Variants in ZBTB44 observed in about 807,000 individuals in gnomAD.
ZBTB44 encodes the protein zinc finger and BTB domain-containing protein 44.
In ZBTB44, 15 loss-of-function variants were observed where a neutral mutation model predicts 54.0. The observed-to-expected ratio is 0.28, with a 90% CI of 0.19 to 0.43. The LOEUF (loss-of-function observed/expected upper bound fraction) is 0.43. Ranked by LOEUF, ZBTB44 falls within the 20% of genes least tolerant of loss-of-function variation. The pLI, the probability that ZBTB44 is intolerant of heterozygous loss-of-function variation, is 1.00. For synonymous variants in ZBTB44, 230 were observed against 250.1 expected (o/e 0.92, Z 0.76); for missense variants, 487 against 707.1 (o/e 0.69, Z 3.53).
At chr11:130,246,007 CTA>C (rs1005360055) in intron 2 of ZBTB44, among the ~76,000 whole-genome samples, 3 of 152,138 alleles carry the variant, frequency 2.0e-5, no homozygotes, top group Non-Finnish European at 4.4e-5. Context: ...CAAAGCAAAA[CTA>C]TTTTCCCTCA....
chr11:130,290,110 A>C (rs1252045993), intron 1 of ZBTB44, among the ~76,000 whole-genome samples: 1 of 152,196 alleles, frequency 6.6e-6, no homozygotes, highest in African/African-American at 2.4e-5. Flanking sequence ...ATACAGTCAC[A>C]AGTCTCCTTA....
intron 1 of ZBTB44, chr11:130,295,853 G>T (rs1941608133): frequency 7.1e-7 from 1 of 1,405,248 alleles, no homozygotes; most frequent in Admixed American, 1.7e-5. Flanking sequence ...CAAATTTTTG[G>T]TGTTCTTAAG....
chr11:130,277,022 T>C (rs1031461268), intron 1 of ZBTB44, among the ~76,000 whole-genome samples: 3 of 152,214 alleles, frequency 2.0e-5, no homozygotes, highest in Non-Finnish European at 4.4e-5. Context: ...TCAATCTATT[T>C]TTCTTTGAAT....
intron 1 of ZBTB44, among the ~76,000 whole-genome samples, chr11:130,301,410 T>C (rs549783463): frequency 6.6e-6 from 1 of 152,118 alleles, no homozygotes; most frequent in African/African-American, 2.4e-5. Flanking sequence ...TCCCACCACT[T>C]TGGGAGGCCA....
chr11:130,282,917 A>G (rs1208856404), intron 1 of ZBTB44, among the ~76,000 whole-genome samples: 2 of 151,938 alleles, frequency 1.3e-5, no homozygotes, highest in East Asian at 3.9e-4. Context: ...AGCTCAAGCA[A>G]TCCTCCCATA....
chr11:130,234,852 A>C (rs1399914298), intron 5 of ZBTB44, among the ~76,000 whole-genome samples: 1 of 152,150 alleles, frequency 6.6e-6, no homozygotes, highest in Non-Finnish European at 1.5e-5. Flanking sequence ...GAATGCCTTG[A>C]GATTGGTTAT....
chr11:130,290,882 A>G (rs1941264534), intron 1 of ZBTB44, among the ~76,000 whole-genome samples: 1 of 152,168 alleles, frequency 6.6e-6, no homozygotes, highest in Admixed American at 6.5e-5. Context: ...TCCTGATGGT[A>G]AACTTTCTCG....
chr11:130,235,980 AAG>A, intron 5 of ZBTB44: 1 of 891,662 alleles, frequency 1.1e-6, no homozygotes, highest in Non-Finnish European at 1.4e-6. Flanking sequence ...AAAAAAAAAA[AAG>A]AAAGATTTGT....
chr11:130,259,552 C>A (rs570909338), intron 2 of ZBTB44, among the ~76,000 whole-genome samples: 23 of 152,252 alleles, frequency 1.5e-4, no homozygotes, highest in African/African-American at 4.8e-4. Flanking sequence ...TGGAACCAAC[C>A]CAAATCCCTG....
intron 2 of ZBTB44, among the ~76,000 whole-genome samples, chr11:130,241,907 T>C (rs553072516): frequency 6.1e-4 from 93 of 152,352 alleles, no homozygotes; most frequent in African/African-American, 2.1e-3. Context: ...TTGTATGTCA[T>C]GTATAAATAC....
chr11:130,261,962 T>A lies in ZBTB44; in HGVS notation c.-56-33A>T. The A allele has an allele frequency of 7.3e-7, 1 of 1,372,128 alleles. No homozygotes were observed. Among genetic ancestry groups the A allele is most frequent in the African/African-American group, 1.5e-5 (1 of 68,526 alleles). The allele number at this position is 1,372,128 out of a possible 1,614,324, so 85.0% of individuals were successfully genotyped here. On this transcript the variant is annotated intron_variant, in intron 1 of 7. Transcript: ENST00000357899. The surrounding 1 kb of genome is among the most constrained non-coding windows in gnomAD (Gnocchi z 4.8). Reference sequence around the variant, plus strand: ...ATACATAAAATAAAGCATTAATTGATATTTTAGTGGTTTAAAATGTGATTT... The same window carrying A: ...ATACATAAAATAAAGCATTAATTGAAATTTTAGTGGTTTAAAATGTGATTT...
chr11:130,239,832 A>G lies in ZBTB44; in HGVS notation c.1083T>C (p.Ala361=). ...PTLQSTSSTN[A]PPDDDDRLEN... ...CTGACCGATCATCATCATCCGGAGG[A>G]GCATTAGTGCTAGACGTGCTTTGAA... Residue 361 remains alanine, a synonymous_variant, in exon 3 of 8, where the codon GCT becomes GCC. Coordinates refer to ENST00000357899, the MANE Select transcript of ZBTB44 (RefSeq NM_001301098.2). 3 of 1,612,572 alleles carry G rather than the reference A, an allele frequency of 1.9e-6. No individual in the cohort carries two copies. Among genetic ancestry groups the G allele is most frequent in the Non-Finnish European group, 2.5e-6 (3 of 1,179,044 alleles).
intron 2 of ZBTB44, among the ~76,000 whole-genome samples, chr11:130,258,712 T>C (rs1938623127): frequency 6.6e-6 from 1 of 152,236 alleles, no homozygotes. Flanking sequence ...TAGGGATTTC[T>C]GAGAACATAG....
intron 1 of ZBTB44, among the ~76,000 whole-genome samples, chr11:130,306,446 G>C (rs1942268081): frequency 6.6e-6 from 1 of 151,720 alleles, no homozygotes. Context: ...AGGTTGCAGT[G>C]AGCCGAGATT....
chr11:130,291,824 T>C (rs996338118), intron 1 of ZBTB44, among the ~76,000 whole-genome samples: 7 of 152,244 alleles, frequency 4.6e-5, no homozygotes, highest in Non-Finnish European at 7.3e-5. Context: ...ATATAATTCA[T>C]GTACAATAAA....
At position 130,240,791 on chromosome 11, in the gene ZBTB44, G is replaced by T. The variant is rs181994420; in HGVS notation, c.1019-895C>A. On this transcript the variant is annotated intron_variant, in intron 2 of 7. Coordinates refer to ENST00000357899, the MANE Select transcript of ZBTB44 (RefSeq NM_001301098.2). Reference sequence around the variant, plus strand: ...TTGAATACAAGTATCCATAAGGTAGGTATTCGTTCTTGCTGGAACACAACT... The same window carrying T: ...TTGAATACAAGTATCCATAAGGTAGTTATTCGTTCTTGCTGGAACACAACT... 1.3e-3 allele frequency among the ~76,000 whole-genome samples: 197 copies of T among 152,240 alleles called. 1 individual carries two copies. Among genetic ancestry groups the T allele is most frequent in the African/African-American group, 4.5e-3 (188 of 41,536 alleles).
chr11:130,308,544 T>G (rs1350727217), intron 1 of ZBTB44, among the ~76,000 whole-genome samples: 1 of 152,182 alleles, frequency 6.6e-6, no homozygotes, highest in East Asian at 1.9e-4. Context: ...AGTGTTAATG[T>G]GAGATTTAAA....
At chr11:130,265,057 C>T (rs1939151849) in intron 1 of ZBTB44, among the ~76,000 whole-genome samples, 1 of 152,104 alleles carries the variant, frequency 6.6e-6, no homozygotes, top group Non-Finnish European at 1.5e-5. Flanking sequence ...AGACAGTGAA[C>T]TTAATGTTGT....
At chr11:130,280,514 T>G (rs1241847824) in intron 1 of ZBTB44, among the ~76,000 whole-genome samples, 1 of 152,144 alleles carries the variant, frequency 6.6e-6, no homozygotes, top group African/African-American at 2.4e-5. Flanking sequence ...ACTTTAACAC[T>G]CCTGTCTCAG....
Sources: gnomAD v4.1 joint callset for allele counts (sites outside exome capture counted in the v4.1 genomes callset) on GRCh38, gnomAD v4.1.1 for gene constraint, Gnocchi (gnomAD v3.1) non-coding constraint, MANE v1.5 for transcripts, NCBI Gene and HGNC (gene_info 2026-07-23, HGNC 2026-07-21) for gene names.